The following ROBO1 variants were observed in gnomAD, a reference collection of about 807,000 sequenced individuals.
ROBO1 encodes roundabout homolog 1.
In ROBO1, 149 loss-of-function variants were observed where a neutral mutation model predicts 195.9. The ratio of observed to expected loss-of-function variants is 0.76; its 90% CI spans 0.67 to 0.87. ROBO1 has a LOEUF of 0.87. Among genes scored for constraint, ROBO1 ranks in the 40% least tolerant of loss-of-function variants. ROBO1 has a pLI of 0.00. For missense variants in ROBO1, 1,933 were observed against 2,068.3 expected (o/e 0.93, Z 1.27); for synonymous variants, 816 against 733.2 (o/e 1.11, Z -1.82).
At chr3:79,601,923 C>A (rs980074622) in intron 1 of ROBO1, among the ~76,000 whole-genome samples, 6 of 151,808 alleles carry the variant, frequency 4.0e-5, no homozygotes, top group African/African-American at 7.3e-5. Context: ...AAATTTAAGT[C>A]CATTATATGG....
intron 10 of ROBO1, among the ~76,000 whole-genome samples, chr3:78,675,614 G>A (rs866643443): frequency 6.6e-6 from 1 of 152,182 alleles, no homozygotes; most frequent in Non-Finnish European, 1.5e-5. Context: ...GAGGCTGGGG[G>A]AGGGGGGCCT....
intron 21 of ROBO1, among the ~76,000 whole-genome samples, chr3:78,641,658 A>G (rs1705963528): frequency 6.6e-6 from 1 of 152,204 alleles, no homozygotes; most frequent in African/African-American, 2.4e-5. Context: ...GTTATTAAAA[A>G]TAAAACTCCA....
At chr3:79,707,104 C>T (rs975002111) in intron 1 of ROBO1, among the ~76,000 whole-genome samples, 10 of 152,132 alleles carry the variant, frequency 6.6e-5, no homozygotes, top group Non-Finnish European at 1.3e-4. Flanking sequence ...GCCTGGAACT[C>T]ACCAGGTAAT....
intron 4 of ROBO1, among the ~76,000 whole-genome samples, chr3:78,775,371 C>T (rs1461857457): frequency 6.6e-6 from 1 of 151,998 alleles, no homozygotes; most frequent in Non-Finnish European, 1.5e-5. Flanking sequence ...TACACTCATT[C>T]CTATTTATAT....
chr3:79,167,575 C>T (rs1292739570), intron 2 of ROBO1, among the ~76,000 whole-genome samples: 1 of 152,060 alleles, frequency 6.6e-6, no homozygotes, highest in Non-Finnish European at 1.5e-5. Context: ...TTTTATCTGT[C>T]CCAACTAGTT....
intron 3 of ROBO1, among the ~76,000 whole-genome samples, chr3:79,063,233 C>A (rs145605991): frequency 6.6e-6 from 1 of 151,984 alleles, no homozygotes; most frequent in East Asian, 2.0e-4. Flanking sequence ...AGTTTTCTGA[C>A]CCGTACTCTT....
chr3:79,383,532 A>T (rs2036639542), intron 2 of ROBO1, among the ~76,000 whole-genome samples: 1 of 152,024 alleles, frequency 6.6e-6, no homozygotes, highest in Non-Finnish European at 1.5e-5. Flanking sequence ...AACACTCACA[A>T]CAGTCAGTCT....
intron 4 of ROBO1, among the ~76,000 whole-genome samples, chr3:78,892,380 A>T (rs1044821062): frequency 1.3e-5 from 2 of 152,170 alleles, no homozygotes; most frequent in Non-Finnish European, 2.9e-5. Context: ...TCCGGGTTAG[A>T]GCACGGACTC....
At position 78,978,861 on chromosome 3, in the gene ROBO1, G is replaced by C. The variant is rs148338939; in HGVS notation, c.173-39934C>G. Reference sequence around the variant, plus strand: ...ACCATCTCCCTCCCAGCTGAGGTCAGATACAGCTAGAAATCTATTCTCCAA... The same window carrying C: ...ACCATCTCCCTCCCAGCTGAGGTCACATACAGCTAGAAATCTATTCTCCAA... On this transcript the variant is annotated intron_variant, in intron 3 of 30. Coordinates refer to ENST00000464233, the MANE Select transcript of ROBO1 (RefSeq NM_002941.4). Among the ~76,000 whole-genome samples the C allele has an allele frequency of 6.0e-4, 92 of 152,294 alleles. 1 individual carries two copies. Among genetic ancestry groups the C allele is most frequent in the South Asian group, 6.0e-3 (29 of 4,826 alleles).
chr3:79,117,443 C>T (rs1157782668), intron 3 of ROBO1, among the ~76,000 whole-genome samples: 2 of 152,052 alleles, frequency 1.3e-5, no homozygotes, highest in South Asian at 4.1e-4. Flanking sequence ...CATCATTGTA[C>T]TTGTTGCAGT....
At chr3:79,108,543 G>C (rs1405131149) in intron 3 of ROBO1, among the ~76,000 whole-genome samples, 3 of 151,532 alleles carry the variant, frequency 2.0e-5, no homozygotes. Context: ...TTTAATTGTT[G>C]AATACAATTC....
chr3:79,228,339 T>C (rs1036223950), intron 2 of ROBO1, among the ~76,000 whole-genome samples: 3 of 152,102 alleles, frequency 2.0e-5, no homozygotes, highest in Admixed American at 1.3e-4. Context: ...TGGGAAAAGA[T>C]TAAAGGTCAT....
At chr3:79,114,258 G>T (rs764514472) in intron 3 of ROBO1, among the ~76,000 whole-genome samples, 4 of 152,138 alleles carry the variant, frequency 2.6e-5, no homozygotes, top group African/African-American at 7.2e-5. Flanking sequence ...ACCCAGTGGA[G>T]ATTTAAATGT....
At chr3:79,104,192 A>G (rs970137142) in intron 3 of ROBO1, among the ~76,000 whole-genome samples, 11 of 151,782 alleles carry the variant, frequency 7.2e-5, no homozygotes, top group African/African-American at 2.7e-4. Flanking sequence ...AGTTTGTGGA[A>G]TTCTTTTAGT....
intron 1 of ROBO1, among the ~76,000 whole-genome samples, chr3:79,700,288 C>CGTGTGT (rs141865243): frequency 2.4e-4 from 35 of 147,750 alleles, no homozygotes; most frequent in East Asian, 6.1e-4. Flanking sequence ...GTGATGAACA[C>CGTGTGT]GTGTGTGTGT....
At chr3:78,697,045 GACACACAC>G (rs10663468) in intron 8 of ROBO1, among the ~76,000 whole-genome samples, 32 of 146,508 alleles carry the variant, frequency 2.2e-4, no homozygotes, top group East Asian at 9.9e-4. Flanking sequence ...GTCACACACA[GACACACAC>G]ACACACACAC....
intron 1 of ROBO1, among the ~76,000 whole-genome samples, chr3:79,706,580 A>T (rs895886075): frequency 6.6e-6 from 1 of 152,066 alleles, no homozygotes; most frequent in Admixed American, 6.6e-5. Flanking sequence ...GGTAGGGGGT[A>T]ATTAAGTCAT....
chr3:78,735,813 G>A (rs1412022063), intron 5 of ROBO1, among the ~76,000 whole-genome samples: 4 of 152,138 alleles, frequency 2.6e-5, no homozygotes, highest in Non-Finnish European at 5.9e-5. Flanking sequence ...TGTCATTTTA[G>A]ATGGGTTGAT....
At position 78,606,975 on chromosome 3, in the gene ROBO1, A is replaced by T. The variant is rs750436793; in HGVS notation, c.4502T>A (p.Leu1501Gln). 1.9e-6 allele frequency: 3 copies of T among 1,613,848 alleles called. No homozygotes were observed. The highest frequency in any genetic ancestry group is 2.5e-6 in the Non-Finnish European group (3 of 1,179,874). The change falls in exon 29 of 31, where the codon CTG becomes CAG. Residue 1501 changes from leucine to glutamine, a missense_variant. Leu to Gln is a moderately radical substitution (Grantham distance 113). This residue lies in a region of ROBO1 where 1,737 missense variants were observed against 1,882.5 expected (regional missense o/e 0.92). Coordinates refer to ENST00000464233, the MANE Select transcript of ROBO1 (RefSeq NM_002941.4). ...KSPTAQSKTQ[L>Q]EVRPVVVPKL... ...TGGCACCACTACAGGTCGTACTTCC[A>T]GCTGTGTCTTGGATTGGGCAGTAGG...
Sources: allele counts gnomAD v4.1 joint callset (sites outside exome capture counted in the v4.1 genomes callset), GRCh38; gene constraint gnomAD v4.1.1; regional missense constraint gnomAD v4.1.1; transcripts MANE v1.5; gene names NCBI Gene and HGNC (gene_info 2026-07-23, HGNC 2026-07-21).